Variants in CD300LB observed in about 807,000 individuals in gnomAD.
CD300LB encodes CMRF35-like molecule 7.
In CD300LB, 18 loss-of-function variants were observed where a neutral mutation model predicts 20.8. The ratio of observed to expected loss-of-function variants is 0.87; its 90% CI spans 0.60 to 1.28. CD300LB has a LOEUF of 1.28. Among genes scored for constraint, CD300LB ranks in the 50% most tolerant of loss-of-function variants. The pLI, the probability that CD300LB is intolerant of heterozygous loss-of-function variation, is 0.00. For missense variants in CD300LB, 222 were observed against 251.8 expected (o/e 0.88, Z 0.80); for synonymous variants, 91 against 91.3 (o/e 1.00, Z 0.02).
intron 2 of CD300LB, 88 bp from the exon 3 acceptor site, chr17:74,523,739 C>T (rs934061081): frequency 9.7e-6 from 8 of 826,562 alleles, no homozygotes; most frequent in Non-Finnish European, 1.3e-5. Flanking sequence ...TGCCAGCCCT[C>T]ACCAGAAGAC....
chr17:74,523,244 C>A, intron 3 of CD300LB: 1 of 510,098 alleles, frequency 2.0e-6, no homozygotes, highest in Non-Finnish European at 3.6e-6. Context: ...GTAAATCACC[C>A]TTCCTGTTCT....
intron 2 of CD300LB, among the ~76,000 whole-genome samples, chr17:74,525,031 C>T (rs1337808959): frequency 1.3e-5 from 2 of 152,156 alleles, no homozygotes; most frequent in African/African-American, 4.8e-5. Flanking sequence ...ACCAAATGGA[C>T]CCGAGTGGAC....
At position 74,522,704 on chromosome 17, in the gene CD300LB, G is replaced by A; in HGVS notation, c.*34C>T. On this transcript the variant is annotated 3_prime_UTR_variant, in exon 4 of 4. Transcript: ENST00000392621. ...CAGCCCGAGTCTCTTCTGGAAACGTGGCCAGGGCAGGAAGGCTCTGCAGAT... is the reference window on the plus strand; with the variant it reads ...CAGCCCGAGTCTCTTCTGGAAACGTAGCCAGGGCAGGAAGGCTCTGCAGAT... 1 of 1,611,636 alleles carries A rather than the reference G, an allele frequency of 6.2e-7. No individual in the cohort carries two copies. Among genetic ancestry groups the A allele is most frequent in the Non-Finnish European group, 8.5e-7 (1 of 1,178,294 alleles).
At chr17:74,529,994 A>G (rs1015565026) in intron 1 of CD300LB, among the ~76,000 whole-genome samples, 1 of 152,226 alleles carries the variant, frequency 6.6e-6, no homozygotes, top group Non-Finnish European at 1.5e-5. Context: ...ACAGAATATG[A>G]TGGCTGGAAC....
rs1241762306 is a variant in CD300LB, at chr17:74,521,730, G to T, written c.*1008C>A. The stretch of plus-strand genomic sequence containing the variant: ...GTGGTGTGTTTGCTTGTGGGCAGGT[G>T]GGGGCGGGAGCACATCTCACATGGG... On this transcript the variant is annotated 3_prime_UTR_variant, in exon 4 of 4. Coordinates refer to ENST00000392621, the MANE Select transcript of CD300LB (RefSeq NM_174892.4). 10 of 985,636 alleles carry T rather than the reference G, an allele frequency of 1.0e-5. No homozygotes were observed. Among genetic ancestry groups the T allele is most frequent in the Admixed American group, 6.1e-5 (1 of 16,274 alleles). The allele number at this position is 985,636 out of a possible 1,614,324, so 61.1% of individuals were successfully genotyped here.
In CD300LB at chr17:74,522,613, C is replaced by T; in HGVS notation, c.*125G>A. On this transcript the variant is annotated 3_prime_UTR_variant, in exon 4 of 4. Coordinates refer to ENST00000392621, the MANE Select transcript of CD300LB (RefSeq NM_174892.4). Reference sequence around the variant, plus strand: ...GGGAGGTGCCCACCAGCTCCAAGGCCAGGGCGGAGGCCCAGGGCCCCTATC... The same window carrying T: ...GGGAGGTGCCCACCAGCTCCAAGGCTAGGGCGGAGGCCCAGGGCCCCTATC... 6.6e-7 allele frequency: 1 copy of T among 1,507,936 alleles called. No individual in the cohort carries two copies. The allele number at this position is 1,507,936 out of a possible 1,614,324, so 93.4% of individuals were successfully genotyped here.
chr17:74,530,975 G>T (rs1908193575), intron 1 of CD300LB, among the ~76,000 whole-genome samples: 1 of 152,030 alleles, frequency 6.6e-6, no homozygotes, highest in Non-Finnish European at 1.5e-5. Flanking sequence ...GCTAATTTTT[G>T]TTCATTTTAT....
In CD300LB at chr17:74,522,669, G is replaced by A. The variant is rs1907917516; in HGVS notation, c.*69C>T. Reference sequence around the variant, plus strand: ...CACTGCATCCCGAGGACTCGTAGATGTTCCTTCCACAGCCCGAGTCTCTTC... The same window carrying A: ...CACTGCATCCCGAGGACTCGTAGATATTCCTTCCACAGCCCGAGTCTCTTC... On this transcript the variant is annotated 3_prime_UTR_variant, in exon 4 of 4. Transcript: ENST00000392621. 6.3e-7 allele frequency: 1 copy of A among 1,595,484 alleles called. No homozygotes were observed. Among genetic ancestry groups the A allele is most frequent in the Non-Finnish European group, 8.6e-7 (1 of 1,169,424 alleles).
chr17:74,521,375 T>G lies in CD300LB; in HGVS notation c.*1363A>C. 1 of 985,564 alleles carries G rather than the reference T, an allele frequency of 1.0e-6. No homozygotes were observed. Among genetic ancestry groups the G allele is most frequent in the Non-Finnish European group, 1.2e-6 (1 of 830,048 alleles). 61.1% of individuals were successfully genotyped at this position (985,564 alleles called of 1,614,324 possible). ...CGGGAAGCTGGATCCAGGAAAGCAT[T>G]CCAGGAGGTAGGGCCCTGGGGCTGG... On this transcript the variant is annotated 3_prime_UTR_variant, in exon 4 of 4. Transcript: ENST00000392621.
At chr17:74,527,513 T>C (rs774543465) in intron 1 of CD300LB, among the ~76,000 whole-genome samples, 3 of 152,244 alleles carry the variant, frequency 2.0e-5, no homozygotes, top group Non-Finnish European at 4.4e-5. Context: ...GGTAGAATAA[T>C]GTCCCCCATA....
chr17:74,529,342 T>C (rs1908130209), intron 1 of CD300LB, among the ~76,000 whole-genome samples: 1 of 152,006 alleles, frequency 6.6e-6, no homozygotes, highest in East Asian at 1.9e-4. Flanking sequence ...TTCATAATCT[T>C]GTCTTTTGTG....
chr17:74,521,912 G>A lies in CD300LB; in HGVS notation c.*826C>T. ...ATTTCAACATCACCGAAAAGGGAGG[G>A]TGCCATTTCCTGCGATGGTTTTCGT... On this transcript the variant is annotated 3_prime_UTR_variant, in exon 4 of 4. Transcript: ENST00000392621. The A allele has an allele frequency of 6.1e-6, 6 of 985,468 alleles. No individual in the cohort carries two copies. The highest frequency in any genetic ancestry group is 7.2e-6 in the Non-Finnish European group (6 of 829,948). The allele number at this position is 985,468 out of a possible 1,614,324, so 61.0% of individuals were successfully genotyped here.
intron 1 of CD300LB, 82 bp from the exon 2 acceptor site, chr17:74,526,159 G>A: frequency 6.5e-7 from 1 of 1,528,264 alleles, no homozygotes; most frequent in Non-Finnish European, 8.8e-7. Context: ...CTGGGCCTTG[G>A]ATGGAGAAAC....
rs1436775870 is a variant in CD300LB at position 74,521,334 on chromosome 17, G to A, written c.*1404C>T. The A allele has an allele frequency of 1.0e-6, 1 of 984,994 alleles. No homozygotes were observed. The highest frequency in any genetic ancestry group is 1.7e-5 in the African/African-American group (1 of 57,236). The allele number at this position is 984,994 out of a possible 1,614,324, so 61.0% of individuals were successfully genotyped here. On this transcript the variant is annotated 3_prime_UTR_variant, in exon 4 of 4. Coordinates refer to ENST00000392621, the MANE Select transcript of CD300LB (RefSeq NM_174892.4). ...CCGCGGAGCGGTGCCGTCCTCCCTGGGTCTGGTCGGATCTTCGGGAAGCTG... is the reference window on the plus strand; with the variant it reads ...CCGCGGAGCGGTGCCGTCCTCCCTGAGTCTGGTCGGATCTTCGGGAAGCTG...
chr17:74,521,266 C>T lies in CD300LB; in HGVS notation c.*1472G>A, dbSNP rs1907870647. On this transcript the variant is annotated 3_prime_UTR_variant, in exon 4 of 4. Coordinates refer to ENST00000392621, the MANE Select transcript of CD300LB (RefSeq NM_174892.4). ...TTGACAAGCGCCCATGTCCCCTCGC[C>T]CCTGAGTCCAGCTGGTGAAGCACCA... The T allele has an allele frequency of 1.4e-6, 1 of 735,912 alleles. No homozygotes were observed. Among genetic ancestry groups the T allele is most frequent in the African/African-American group, 1.9e-5 (1 of 52,200 alleles). The allele number at this position is 735,912 out of a possible 1,614,324, so 45.6% of individuals were successfully genotyped here.
In CD300LB at chr17:74,525,863, G is replaced by C. The variant is rs1270997814; in HGVS notation, c.255C>G (p.Arg85=). The change falls in exon 2 of 4, where the codon CGC becomes CGG. Residue 85 remains arginine (R), a synonymous_variant. Transcript: ENST00000392621. ...RVSIKDNQKD[R]TFTVTMEGLR... ...GCCCCTCCATGGTCACAGTGAACGT[G>C]CGGTCTTTCTGATTGTCCTTGATGG... is the stretch of plus-strand genomic sequence containing the variant. The C allele has an allele frequency of 1.2e-6, 2 of 1,614,112 alleles. No individual in the cohort carries two copies. The highest frequency in any genetic ancestry group is 2.2e-5 in the South Asian group (2 of 91,080).
intron 3 of CD300LB, 124 bp downstream of exon 3, chr17:74,523,455 G>A: frequency 1.4e-6 from 1 of 731,372 alleles, no homozygotes; most frequent in Non-Finnish European, 2.5e-6. Context: ...TGGAGGGTGG[G>A]CTTGGGGCCT....
chr17:74,527,264 G>A (rs1270652540), intron 1 of CD300LB, among the ~76,000 whole-genome samples: 1 of 151,744 alleles, frequency 6.6e-6, no homozygotes, highest in Non-Finnish European at 1.5e-5. Context: ...TGTGTAGATA[G>A]GCTCTTTCCT....
At chr17:74,526,233 T>C (rs758124714) in intron 1 of CD300LB, among the ~76,000 whole-genome samples, 156 bp from the exon 2 acceptor site, 4 of 152,064 alleles carry the variant, frequency 2.6e-5, no homozygotes, top group Non-Finnish European at 5.9e-5. Context: ...TGTTTAAGAG[T>C]CCCGAGTGTG....
Sources: gnomAD v4.1 joint callset for allele counts (sites outside exome capture counted in the v4.1 genomes callset) on GRCh38, gnomAD v4.1.1 for gene constraint, MANE v1.5 for transcripts, NCBI Gene and HGNC (gene_info 2026-07-23, HGNC 2026-07-21) for gene names.